The following DENR variants were observed in gnomAD, a reference collection of about 807,000 sequenced individuals.
DENR encodes the protein density regulated re-initiation and release factor, also known as density-regulated protein.
DENR carries 6 observed loss-of-function variants against 30.6 expected under a neutral mutation model. The ratio of observed to expected loss-of-function variants is 0.20; its 90% CI spans 0.11 to 0.39. The LOEUF is 0.39. Ranked by LOEUF, DENR falls within the 10% of genes least tolerant of loss-of-function variation. DENR has a pLI of 1.00. For missense variants in DENR, 141 were observed against 230.9 expected, an observed-to-expected ratio of 0.61 and a Z score of 2.52; for synonymous variants, 78 against 72.1, an observed-to-expected ratio of 1.08 and a Z score of -0.41.
chr12:122,769,442 T>C lies in DENR; in HGVS notation c.*364T>C. The stretch of plus-strand genomic sequence containing the variant: ...AATAAACGGGAGACTGTCATGCTCA[T>C]GCATGAATAGAATTTAGTCAAATAA... On this transcript the variant is annotated 3_prime_UTR_variant, in exon 8 of 8. Coordinates refer to ENST00000280557, the MANE Select transcript of DENR (RefSeq NM_003677.5). 2.0e-6 allele frequency: 2 copies of C among 987,468 alleles called. No individual in the cohort carries two copies. Among genetic ancestry groups the C allele is most frequent in the Non-Finnish European group, 2.4e-6 (2 of 831,078 alleles). The allele number at this position is 987,468 out of a possible 1,614,324, so 61.2% of individuals were successfully genotyped here. A position where few individuals can be genotyped will look rare whatever the true frequency, so the allele number is the denominator to read the frequency against.
chr12:122,765,232 T>C, intron 4 of DENR, 72 bp from the exon 5 acceptor site: 1 of 1,298,172 alleles, frequency 7.7e-7, no homozygotes, highest in Non-Finnish European at 1.1e-6. Context: ...ATGAGGTTGC[T>C]CAAAGGTGAT....
chr12:122,767,202 G>C (rs911536747), intron 5 of DENR, among the ~76,000 whole-genome samples: 48 of 152,234 alleles, frequency 3.2e-4, no homozygotes, highest in African/African-American at 1.1e-3. Context: ...TCCTATTATT[G>C]TATGTATCAG....
intron 5 of DENR, among the ~76,000 whole-genome samples, chr12:122,766,074 A>G (rs1878841510): frequency 6.6e-6 from 1 of 151,292 alleles, no homozygotes; most frequent in Admixed American, 6.6e-5. Flanking sequence ...ACTCTCCCCA[A>G]AGCTCATGTC....
Position 122,769,373 on chromosome 12 carries a change from C to T in DENR, c.*295C>T. 1.0e-6 allele frequency: 1 copy of T among 990,822 alleles called. No individual in the cohort carries two copies. Among genetic ancestry groups the T allele is most frequent in the Non-Finnish European group, 1.2e-6 (1 of 834,084 alleles). The allele number at this position is 990,822 out of a possible 1,614,324, so 61.4% of individuals were successfully genotyped here. ...AGACTGTCCTCGTCCTTGGCATTTT[C>T]ACTGTTCTGTACAAGGCTGCTTGTT... On this transcript the variant is annotated 3_prime_UTR_variant, in exon 8 of 8. Transcript: ENST00000280557.
At chr12:122,768,568 A>C (rs945082495) in intron 6 of DENR, among the ~76,000 whole-genome samples, 2 of 152,066 alleles carry the variant, frequency 1.3e-5, no homozygotes, top group Non-Finnish European at 2.9e-5. Context: ...AGTATAGATG[A>C]TTCTGTTTTT....
intron 2 of DENR, among the ~76,000 whole-genome samples, chr12:122,754,728 A>G (rs1566058197): frequency 1.3e-5 from 2 of 152,162 alleles, no homozygotes; most frequent in Non-Finnish European, 2.9e-5. Context: ...GCACCAACCT[A>G]ATCATTTTTT....
At chr12:122,760,265 C>A (rs146491297) in intron 2 of DENR, among the ~76,000 whole-genome samples, 1 of 152,246 alleles carries the variant, frequency 6.6e-6, no homozygotes, top group East Asian at 1.9e-4. Flanking sequence ...ACTTATCTTA[C>A]AAGGTTGTGA....
intron 5 of DENR, 147 bp from the exon 6 acceptor site, chr12:122,767,341 T>C (rs1163843611): frequency 1.7e-6 from 1 of 572,736 alleles, no homozygotes; most frequent in Non-Finnish European, 3.0e-6. Context: ...ACTTAATAAA[T>C]GTTTATTGAA....
chr12:122,769,246 G>GTATA lies in DENR; in HGVS notation c.*177_*180dup, dbSNP rs549049409. 23 of 552,958 alleles carry GTATA rather than the reference G, an allele frequency of 4.2e-5. No homozygotes were observed. The highest frequency in any genetic ancestry group is 1.9e-4 in the South Asian group (3 of 15,604). The allele number at this position is 552,958 out of a possible 1,614,324, so 34.3% of individuals were successfully genotyped here. On this transcript the variant is annotated 3_prime_UTR_variant, in exon 8 of 8. Coordinates refer to ENST00000280557, the MANE Select transcript of DENR (RefSeq NM_003677.5). ...TATATACATGTGTGTATGTATACAT[G>GTATA]TATATATATATACATACACATATAT...
At chr12:122,765,415 G>T (rs768354550) in intron 5 of DENR, 28 bp downstream of exon 5, 24 of 1,517,776 alleles carry the variant, frequency 1.6e-5, no homozygotes, top group Admixed American at 2.0e-5. Context: ...ATCTTGATTT[G>T]TACAGTCATA....
chr12:122,762,130 G>A (rs375474046), intron 2 of DENR, 57 bp from the exon 3 acceptor site: 10 of 1,147,006 alleles, frequency 8.7e-6, no homozygotes, highest in Non-Finnish European at 1.2e-5. Context: ...TAAGCCCTGT[G>A]TATGTGTGTA....
At chr12:122,759,283 C>T (rs923501830) in intron 2 of DENR, among the ~76,000 whole-genome samples, 19 of 152,132 alleles carry the variant, frequency 1.2e-4, no homozygotes, top group Admixed American at 1.1e-3. Flanking sequence ...TTGAAGGTGA[C>T]GGCTAAATGT....
Position 122,769,514 on chromosome 12 carries a change from C to CTCTCTCTTT in DENR, c.*437_*438insCTCTCTTTT. On this transcript the variant is annotated 3_prime_UTR_variant, in exon 8 of 8. Transcript: ENST00000280557. ...TGACTTTCTCTCTCTCTCTCTCTCT[C>CTCTCTCTTT]TTTTTTTTTTTTGACAGAGTCTCGC... 1.5e-6 allele frequency: 1 copy of CTCTCTCTTT among 652,456 alleles called. No homozygotes were observed. Among genetic ancestry groups the CTCTCTCTTT allele is most frequent in the Admixed American group, 6.7e-5 (1 of 14,818 alleles). The allele number at this position is 652,456 out of a possible 1,614,324, so 40.4% of individuals were successfully genotyped here.
intron 2 of DENR, among the ~76,000 whole-genome samples, chr12:122,756,438 C>G (rs1271074303): frequency 6.6e-6 from 1 of 151,972 alleles, no homozygotes; most frequent in Non-Finnish European, 1.5e-5. Context: ...AGCAAAACTC[C>G]ATCCCAGAAA....
In DENR at chr12:122,770,441, G is replaced by A; in HGVS notation, c.*1363G>A. 2.5e-6 allele frequency: 1 copy of A among 394,910 alleles called. No homozygotes were observed. The highest frequency in any genetic ancestry group is 2.1e-5 in the African/African-American group (1 of 48,670). 24.5% of individuals were successfully genotyped at this position (394,910 alleles called of 1,614,324 possible). ...TTTATCGTCATCATCTGCTCTGAGT[G>A]GAAGGCCGTTCAGAGAGGCTAGAGG... On this transcript the variant is annotated 3_prime_UTR_variant, in exon 8 of 8. Transcript: ENST00000280557.
Position 122,770,794 on chromosome 12 carries a change from G to A in DENR, c.*1716G>A, listed in dbSNP as rs1162983994. 2.5e-6 allele frequency: 1 copy of A among 397,906 alleles called. No individual in the cohort carries two copies. Among genetic ancestry groups the A allele is most frequent in the Non-Finnish European group, 4.4e-6 (1 of 225,914 alleles). The allele number at this position is 397,906 out of a possible 1,614,324, so 24.6% of individuals were successfully genotyped here. Reference sequence around the variant, plus strand: ...TATTAGAAAAATGTGTAGTAAAGATGTAAAATTAAAAAATGGAATTCTCCA... The same window carrying A: ...TATTAGAAAAATGTGTAGTAAAGATATAAAATTAAAAAATGGAATTCTCCA... On this transcript the variant is annotated 3_prime_UTR_variant, in exon 8 of 8. Coordinates refer to ENST00000280557, the MANE Select transcript of DENR (RefSeq NM_003677.5).
chr12:122,754,836 A>C (rs1406631040), intron 2 of DENR, among the ~76,000 whole-genome samples: 1 of 152,208 alleles, frequency 6.6e-6, no homozygotes, highest in Non-Finnish European at 1.5e-5. Context: ...TCTAGGTTTG[A>C]GGTAAATAAG....
rs1356417703 is a variant in DENR at position 122,770,512 on chromosome 12, G to C, written c.*1434G>C. ...TATGTGAGTAAAATTGTGCTAACCAGTTAAAAGTACTGTACACCCATGCTC... is the reference window on the plus strand; with the variant it reads ...TATGTGAGTAAAATTGTGCTAACCACTTAAAAGTACTGTACACCCATGCTC... On this transcript the variant is annotated 3_prime_UTR_variant, in exon 8 of 8. Transcript: ENST00000280557. 1 of 397,298 alleles carries C rather than the reference G, an allele frequency of 2.5e-6. No homozygotes were observed. Among genetic ancestry groups the C allele is most frequent in the Non-Finnish European group, 4.4e-6 (1 of 225,736 alleles). 24.6% of individuals were successfully genotyped at this position (397,298 alleles called of 1,614,324 possible). A position where few individuals can be genotyped will look rare whatever the true frequency, so the allele number is the denominator to read the frequency against.
intron 2 of DENR, among the ~76,000 whole-genome samples, chr12:122,755,670 A>G (rs1240628760): frequency 6.6e-6 from 1 of 152,234 alleles, no homozygotes. Flanking sequence ...ATATTTTTAT[A>G]TAATGATTAC....
Sources: allele counts gnomAD v4.1 joint callset (sites outside exome capture counted in the v4.1 genomes callset), GRCh38; gene constraint gnomAD v4.1.1; transcripts MANE v1.5; gene names NCBI Gene and HGNC (gene_info 2026-07-23, HGNC 2026-07-21).